Variants in PPP2R5A observed in about 807,000 individuals in gnomAD.
The protein encoded by PPP2R5A is protein phosphatase 2 regulatory subunit B'alpha, also known as serine/threonine-protein phosphatase 2A 56 kDa regulatory subunit alpha isoform.
A neutral mutation model predicts 64.2 loss-of-function variants in PPP2R5A; 25 were observed. The ratio of observed to expected loss-of-function variants is 0.39; its 90% CI spans 0.28 to 0.54. The LOEUF (loss-of-function observed/expected upper bound fraction) is 0.54. Among genes scored for constraint, PPP2R5A ranks in the 20% least tolerant of loss-of-function variants. The pLI is 0.67. For synonymous variants in PPP2R5A, 198 were observed against 201.2 expected (o/e 0.98, Z 0.13); for missense variants, 425 against 576.3 (o/e 0.74, Z 2.69).
Position 212,356,695 on chromosome 1 carries a change from A to ATG in PPP2R5A, c.978+21_978+22dup, listed in dbSNP as rs780696982. 6.2e-7 allele frequency: 1 copy of ATG among 1,608,290 alleles called. No individual in the cohort carries two copies. ...GAAAGAGGTGGGTTTTGTTCACTAA[A>ATG]TGTAGTGCATTTTACTAGAACTTGT... On this transcript the variant is annotated intron_variant, in intron 9 of 12. Transcript: ENST00000261461.
chr1:212,343,105 G>A lies in PPP2R5A; in HGVS notation c.573+825G>A, dbSNP rs142565195. On this transcript the variant is annotated intron_variant, in intron 4 of 12. Coordinates refer to ENST00000261461, the MANE Select transcript of PPP2R5A (RefSeq NM_006243.4). ...TGGGACTACAGGCACACGCCACCAT[G>A]CCCGGCTGATTTTTTTTTTCTATTT... Among the ~76,000 whole-genome samples the A allele has an allele frequency of 2.0e-5, 3 of 148,214 alleles. No homozygotes were observed. In the East Asian group the frequency reaches 6.4e-4, roughly 32 times the overall value.
intron 1 of PPP2R5A, among the ~76,000 whole-genome samples, chr1:212,291,010 A>G (rs1435410959): frequency 2.0e-5 from 3 of 152,230 alleles, no homozygotes; most frequent in Non-Finnish European, 4.4e-5. Flanking sequence ...TTTAAAAGTT[A>G]GATTTTTGTA....
intron 1 of PPP2R5A, chr1:212,306,658 G>T (rs976761435): frequency 7.2e-5 from 11 of 151,748 alleles, no homozygotes; most frequent in African/African-American, 2.7e-4. Flanking sequence ...AATTTAAATT[G>T]TATCTTCTGG....
intron 1 of PPP2R5A, chr1:212,299,520 ATT>A (rs1658761086): frequency 6.6e-6 from 1 of 152,302 alleles, no homozygotes; most frequent in South Asian, 2.1e-4. Context: ...CTTTCTGATC[ATT>A]TTTTCTCAAT....
At chr1:212,349,343 C>A in intron 8 of PPP2R5A, 101 bp downstream of exon 8, 5 of 803,704 alleles carry the variant, frequency 6.2e-6, no homozygotes, top group Non-Finnish European at 5.4e-6. Flanking sequence ...GAATAATGTA[C>A]GTTAAGCTAA....
At chr1:212,319,966 T>A (rs1659237252) in intron 1 of PPP2R5A, among the ~76,000 whole-genome samples, 1 of 146,460 alleles carries the variant, frequency 6.8e-6, no homozygotes, top group Admixed American at 6.7e-5. Context: ...TTTTTTTTTT[T>A]TTATTGATCA....
chr1:212,357,314 TTTC>T (rs1659994430), intron 11 of PPP2R5A, 30 bp downstream of exon 11: 2 of 1,489,388 alleles, frequency 1.3e-6, no homozygotes, highest in African/African-American at 1.5e-5. Flanking sequence ...GTCGTATTTT[TTTC>T]TTTTTTTTTT....
At chr1:212,332,757 G>A (rs867114237) in intron 2 of PPP2R5A, among the ~76,000 whole-genome samples, 2 of 152,156 alleles carry the variant, frequency 1.3e-5, no homozygotes, top group Middle Eastern at 3.4e-3. Context: ...TATAGAATAT[G>A]GCCATGTTGG....
intron 11 of PPP2R5A, chr1:212,358,366 ATCT>A (rs1660020559): frequency 5.9e-6 from 1 of 168,502 alleles, no homozygotes; most frequent in Non-Finnish European, 1.3e-5. Flanking sequence ...GATCTTTTTC[ATCT>A]TCTTTTAATG....
chr1:212,303,809 G>A (rs1036469190), intron 1 of PPP2R5A, among the ~76,000 whole-genome samples: 1 of 152,110 alleles, frequency 6.6e-6, no homozygotes, highest in African/African-American at 2.4e-5. Context: ...TTCCCCGTTA[G>A]ATGGTCTTGG....
chr1:212,306,580 C>T (rs546061193), intron 1 of PPP2R5A, among the ~76,000 whole-genome samples: 2 of 152,034 alleles, frequency 1.3e-5, no homozygotes, highest in South Asian at 4.2e-4. Flanking sequence ...GCCACTCCAG[C>T]TTTCTTATGG....
At chr1:212,295,809 TGA>T (rs1343083389) in intron 1 of PPP2R5A, among the ~76,000 whole-genome samples, 4 of 152,066 alleles carry the variant, frequency 2.6e-5, no homozygotes, top group Non-Finnish European at 5.9e-5. Context: ...ATTGGTGACT[TGA>T]GAGGCGTTTG....
chr1:212,350,085 G>A (rs1558154196), intron 8 of PPP2R5A, among the ~76,000 whole-genome samples: 1 of 152,026 alleles, frequency 6.6e-6, no homozygotes, highest in Non-Finnish European at 1.5e-5. Flanking sequence ...AAATAGCAAA[G>A]GGTTTGAAAA....
intron 1 of PPP2R5A, among the ~76,000 whole-genome samples, chr1:212,322,280 G>GGGAGAGGAGGGA (rs1659320336): frequency 5.2e-5 from 7 of 133,496 alleles, no homozygotes; most frequent in Non-Finnish European, 6.6e-5. Flanking sequence ...GAGAGGGAGA[G>GGGAGAGGAGGGA]GAGGGAGAGG....
At chr1:212,340,193 C>T (rs1388965436) in intron 3 of PPP2R5A, among the ~76,000 whole-genome samples, 1 of 151,990 alleles carries the variant, frequency 6.6e-6, no homozygotes, top group East Asian at 1.9e-4. Context: ...AAAATAAAAG[C>T]CATCCTCTTC....
At position 212,360,852 on chromosome 1, in the gene PPP2R5A, A is replaced by C; in HGVS notation, c.*82A>C. The C allele has an allele frequency of 6.6e-6, 9 of 1,364,528 alleles. No individual in the cohort carries two copies. Among genetic ancestry groups the C allele is most frequent in the Non-Finnish European group, 8.7e-6 (9 of 1,029,888 alleles). The allele number at this position is 1,364,528 out of a possible 1,614,324, so 84.5% of individuals were successfully genotyped here. A position where few individuals can be genotyped will look rare whatever the true frequency, so the allele number is the denominator to read the frequency against. The stretch of plus-strand genomic sequence containing the variant: ...ATGTAAAAATTACAAAACAAACCTC[A>C]TCAGTATAATATAATTAAAAGGCCA... On this transcript the variant is annotated 3_prime_UTR_variant, in exon 13 of 13. Coordinates refer to ENST00000261461, the MANE Select transcript of PPP2R5A (RefSeq NM_006243.4).
intron 11 of PPP2R5A, 31 bp downstream of exon 11, chr1:212,357,315 TTC>T (rs1659994518): frequency 2.0e-6 from 3 of 1,488,212 alleles, no homozygotes; most frequent in African/African-American, 1.5e-5. Context: ...TCGTATTTTT[TTC>T]TTTTTTTTTT....
At chr1:212,309,343 T>C (rs1054706853) in intron 1 of PPP2R5A, 7 of 1,531,186 alleles carry the variant, frequency 4.6e-6, no homozygotes, top group Admixed American at 1.7e-5. Flanking sequence ...CCGAGGATAT[T>C]TGGGCTGCCT....
chr1:212,324,494 C>G (rs1445412373), intron 1 of PPP2R5A, among the ~76,000 whole-genome samples: 1 of 152,148 alleles, frequency 6.6e-6, no homozygotes, highest in Non-Finnish European at 1.5e-5. Flanking sequence ...ACATACTTTC[C>G]ATTTGTATTT....
Sources: gnomAD v4.1 joint callset for allele counts (sites outside exome capture counted in the v4.1 genomes callset) on GRCh38, gnomAD v4.1.1 for gene constraint, MANE v1.5 for transcripts, NCBI Gene and HGNC (gene_info 2026-07-23, HGNC 2026-07-21) for gene names.